STPG4: variants seen among roughly 807,000 people sequenced by gnomAD.
STPG4 encodes sperm-tail PG-rich repeat containing 4, also known as protein STPG4.
In STPG4, 41 loss-of-function variants were observed where a neutral mutation model predicts 31.5. The ratio of observed to expected loss-of-function variants is 1.30; its 90% CI spans 1.01 to 1.69. STPG4 has a LOEUF of 1.69. Ranked by LOEUF, STPG4 falls within the 40% of genes most tolerant of loss-of-function variation. The pLI, the probability that STPG4 is intolerant of heterozygous loss-of-function variation, is 0.00. For missense variants in STPG4, 375 were observed against 293.4 expected, an observed-to-expected ratio of 1.28 and a Z score of -2.03; for synonymous variants, 141 against 103.0, an observed-to-expected ratio of 1.37 and a Z score of -2.24.
intron 6 of STPG4, among the ~76,000 whole-genome samples, chr2:47,088,371 A>G (rs772636351): frequency 1.3e-5 from 2 of 152,356 alleles, no homozygotes; most frequent in African/African-American, 2.4e-5. Context: ...GCACATGCAC[A>G]TATTCTTGAA....
At position 47,122,682 on chromosome 2, in the gene STPG4, C is replaced by T. The variant is rs1263457807; in HGVS notation, c.519+7259G>A. 7.4e-5 allele frequency among the ~76,000 whole-genome samples: 6 copies of T among 80,802 alleles called. No individual in the cohort carries two copies. The Admixed American group carries it at 9.2e-4, about 12-fold the overall frequency. 53.0% of individuals were successfully genotyped at this position (80,802 alleles called of 152,430 possible). On this transcript the variant is annotated intron_variant, in intron 5 of 6. Coordinates refer to ENST00000445927, the MANE Select transcript of STPG4 (RefSeq NM_001163561.2). ...CTGTTTCTGAGCTCTGTTCAGTTTT[C>T]TCAATTTTTTTTTTTGCAGATGTTT...
intron 5 of STPG4, chr2:47,129,704 C>A: frequency 2.2e-6 from 1 of 461,412 alleles, no homozygotes; most frequent in South Asian, 3.4e-5. Flanking sequence ...TCTACCCTAC[C>A]CTCTTCAGTG....
chr2:47,092,222 A>AT (rs1435797022), intron 5 of STPG4, among the ~76,000 whole-genome samples: 1 of 145,670 alleles, frequency 6.9e-6, no homozygotes, highest in Non-Finnish European at 1.5e-5. Context: ...ATAAATGACT[A>AT]TGGAAATTAG....
chr2:47,124,464 C>G (rs1686328279), intron 5 of STPG4, among the ~76,000 whole-genome samples: 1 of 152,138 alleles, frequency 6.6e-6, no homozygotes, highest in African/African-American at 2.4e-5. Context: ...TCTCTATCTG[C>G]ATGAGTTTGA....
intron 3 of STPG4, among the ~76,000 whole-genome samples, chr2:47,141,741 T>C (rs1262279321): frequency 1.3e-5 from 2 of 151,992 alleles, no homozygotes; most frequent in African/African-American, 4.8e-5. Context: ...AGCTATATAG[T>C]AGTGCAACTG....
intron 3 of STPG4, among the ~76,000 whole-genome samples, chr2:47,147,844 A>T (rs1413836564): frequency 6.6e-6 from 1 of 152,180 alleles, no homozygotes; most frequent in African/African-American, 2.4e-5. Flanking sequence ...TGTTAAGAAA[A>T]AGGTTATTAG....
chr2:47,143,710 G>A (rs1347265566), intron 3 of STPG4, among the ~76,000 whole-genome samples: 6 of 151,594 alleles, frequency 4.0e-5, no homozygotes, highest in Non-Finnish European at 7.4e-5. Context: ...TGATGGTCTC[G>A]ATCTCCTGAC....
intron 5 of STPG4, among the ~76,000 whole-genome samples, chr2:47,115,990 G>A (rs965528326): frequency 6.6e-6 from 1 of 152,190 alleles, no homozygotes; most frequent in Non-Finnish European, 1.5e-5. Flanking sequence ...GAAACTGTGG[G>A]TATGTGGCTA....
intron 6 of STPG4, 25 bp downstream of exon 6, chr2:47,090,245 G>T (rs1031535505): frequency 2.5e-5 from 38 of 1,490,598 alleles, no homozygotes; most frequent in Non-Finnish European, 3.1e-5. Context: ...GGGGTGGGGG[G>T]CGATCTGTCT....
intron 3 of STPG4, 58 bp downstream of exon 3, chr2:47,151,200 T>C: frequency 6.3e-7 from 1 of 1,587,672 alleles, no homozygotes; most frequent in Non-Finnish European, 8.6e-7. Flanking sequence ...TAAAAATACT[T>C]TCCTCAGGGG....
chr2:47,108,124 G>C (rs1289494506), intron 5 of STPG4, among the ~76,000 whole-genome samples: 1 of 151,324 alleles, frequency 6.6e-6, no homozygotes, highest in Non-Finnish European at 1.5e-5. Flanking sequence ...ATCTAGTGGG[G>C]ACTTAGAGAA....
At chr2:47,089,788 C>T (rs951873557) in intron 6 of STPG4, among the ~76,000 whole-genome samples, 1 of 152,294 alleles carries the variant, frequency 6.6e-6, no homozygotes, top group East Asian at 1.9e-4. Context: ...ACTTGAGCCT[C>T]TTCCCTGTCT....
chr2:47,151,605 T>A (rs1424515910), intron 2 of STPG4, 90 bp from the exon 3 acceptor site: 5 of 1,035,340 alleles, frequency 4.8e-6, no homozygotes, highest in Non-Finnish European at 7.2e-6. Flanking sequence ...CCAAGTAACA[T>A]CTCTCTTTGT....
rs188750581 is a variant in STPG4, at chr2:47,125,787, G to A, written c.519+4154C>T. Among the ~76,000 whole-genome samples, 164 of 151,434 alleles carry A rather than the reference G, an allele frequency of 1.1e-3. 1 individual carries two copies. The highest frequency in any genetic ancestry group is 3.9e-3 in the African/African-American group (159 of 41,264). On this transcript the variant is annotated intron_variant, in intron 5 of 6. Transcript: ENST00000445927. ...TTGCCCAGGCTGGTCTCGAATTCCT[G>A]GGCTCAAGGGATCCTCCTGCCTTGG...
At chr2:47,128,725 C>G (rs1164715866) in intron 5 of STPG4, 1 of 152,130 alleles carries the variant, frequency 6.6e-6, no homozygotes, top group Admixed American at 6.5e-5. Context: ...GAAATGACAT[C>G]CAGGAGCCAA....
intron 1 of STPG4, among the ~76,000 whole-genome samples, chr2:47,154,952 G>A (rs1286007866): frequency 6.6e-6 from 1 of 152,034 alleles, no homozygotes; most frequent in African/African-American, 2.4e-5. Flanking sequence ...AGAAGGAAAA[G>A]GGAAGAAGCA....
intron 6 of STPG4, among the ~76,000 whole-genome samples, chr2:47,089,990 T>G (rs960362581): frequency 1.3e-5 from 2 of 152,228 alleles, no homozygotes; most frequent in Non-Finnish European, 2.9e-5. Flanking sequence ...GTAACATTGA[T>G]GGCTGATTAA....
At chr2:47,108,689 T>A (rs1175972541) in intron 5 of STPG4, 1 of 153,282 alleles carries the variant, frequency 6.5e-6, no homozygotes, top group Non-Finnish European at 1.5e-5. Flanking sequence ...TGGCATTCTT[T>A]CCCTAGTCTC....
intron 5 of STPG4, among the ~76,000 whole-genome samples, chr2:47,108,090 G>C (rs537806667): frequency 5.7e-4 from 86 of 151,594 alleles, no homozygotes; most frequent in African/African-American, 1.9e-3. Flanking sequence ...GAGAACCTTT[G>C]TGTCAACACT....
Sources: gnomAD v4.1 joint callset for allele counts (sites outside exome capture counted in the v4.1 genomes callset) on GRCh38, gnomAD v4.1.1 for gene constraint, MANE v1.5 for transcripts, NCBI Gene and HGNC (gene_info 2026-07-23, HGNC 2026-07-21) for gene names.